The following PCCA variants were observed in gnomAD, a reference collection of about 807,000 sequenced individuals.
PCCA encodes propionyl-CoA carboxylase subunit alpha.
A neutral mutation model predicts 101.3 loss-of-function variants in PCCA; 74 were observed. That is an observed-to-expected ratio of 0.73 (90% CI 0.61 to 0.89). The LOEUF is 0.89. PCCA is among the 40% of genes least tolerant of loss of function. PCCA has a pLI of 0.00. For synonymous variants in PCCA, 294 were observed against 313.6 expected (o/e 0.94, Z 0.66); for missense variants, 891 against 907.0 (o/e 0.98, Z 0.23).
intron 21 of PCCA, chr13:100,491,519 TAAAAAG>T: frequency 7.2e-6 from 3 of 414,054 alleles, no homozygotes; most frequent in Non-Finnish European, 8.7e-6. Context: ...AGAAAATAGA[TAAAAAG>T]GAAAAGAATG....
At chr13:100,210,209 C>T (rs759563376) in intron 7 of PCCA, among the ~76,000 whole-genome samples, 13 of 152,318 alleles carry the variant, frequency 8.5e-5, no homozygotes, top group South Asian at 2.1e-4. Context: ...AACTCCTGGG[C>T]TGAAGTGATT....
At chr13:100,227,832 T>C (rs2060234150) in intron 7 of PCCA, among the ~76,000 whole-genome samples, 1 of 152,330 alleles carries the variant, frequency 6.6e-6, no homozygotes, top group African/African-American at 2.4e-5. Context: ...CCATCAGGAA[T>C]ACCATCATCT....
intron 1 of PCCA, among the ~76,000 whole-genome samples, chr13:100,093,102 G>A (rs145445371): frequency 3.8e-4 from 58 of 152,188 alleles, no homozygotes; most frequent in African/African-American, 1.3e-3. Flanking sequence ...AATGTAGGTG[G>A]GAGAACAAGG....
chr13:100,430,042 G>C (rs945430426), intron 20 of PCCA, among the ~76,000 whole-genome samples: 1 of 151,916 alleles, frequency 6.6e-6, no homozygotes, highest in Non-Finnish European at 1.5e-5. Context: ...TTGGGAGGCC[G>C]AAGCAGGCAG....
At chr13:100,370,736 C>A (rs2075526273) in intron 19 of PCCA, among the ~76,000 whole-genome samples, 2 of 152,122 alleles carry the variant, frequency 1.3e-5, no homozygotes, top group Non-Finnish European at 2.9e-5. Context: ...GCAGGTTGAA[C>A]AGCGTGGCGA....
intron 20 of PCCA, among the ~76,000 whole-genome samples, chr13:100,428,674 G>A (rs1209939658): frequency 1.3e-5 from 2 of 152,104 alleles, no homozygotes; most frequent in Admixed American, 6.6e-5. Flanking sequence ...AACTCAAGTT[G>A]TTGGACCCAC....
rs1400117357 is a variant in PCCA, at chr13:100,138,176, TTCAC to T, written c.301-16800_301-16797del. ...TTTTCTATCTAGTTTTTTTCACTGT[TTCAC>T]TCTTTGTGTCTTCTTTTGCATTATT... On this transcript the variant is annotated intron_variant, in intron 4 of 23. Coordinates refer to ENST00000376285, the MANE Select transcript of PCCA (RefSeq NM_000282.4). 2.6e-5 allele frequency among the ~76,000 whole-genome samples: 4 copies of T among 152,350 alleles called. No homozygotes were observed. In the East Asian group the frequency reaches 7.7e-4, roughly 29 times the overall value.
chr13:100,157,465 T>C (rs1002262415), intron 6 of PCCA, 125 bp downstream of exon 6: 4 of 699,080 alleles, frequency 5.7e-6, no homozygotes, highest in Admixed American at 2.3e-5. Context: ...TCTTTGAAAA[T>C]TGTGACAAGT....
intron 6 of PCCA, among the ~76,000 whole-genome samples, chr13:100,178,017 T>G (rs117178249): frequency 1.1e-4 from 17 of 152,218 alleles, no homozygotes. Flanking sequence ...TTAGGACTTA[T>G]AGCAACATTT....
intron 4 of PCCA, among the ~76,000 whole-genome samples, chr13:100,125,944 C>T (rs560319173): frequency 9.9e-5 from 15 of 152,210 alleles, no homozygotes; most frequent in South Asian, 2.1e-4. Flanking sequence ...AGCAATGGCT[C>T]GTCTGGGAGT....
chr13:100,408,455 G>A (rs1453681626), intron 19 of PCCA, among the ~76,000 whole-genome samples: 8 of 152,164 alleles, frequency 5.3e-5, no homozygotes, highest in Admixed American at 5.2e-4. Context: ...TGAACTGAAA[G>A]GTATCACAGT....
intron 19 of PCCA, among the ~76,000 whole-genome samples, chr13:100,371,257 A>G (rs1190427220): frequency 6.6e-6 from 1 of 152,212 alleles, no homozygotes; most frequent in African/African-American, 2.4e-5. Context: ...GCAACAATAT[A>G]CATACTTAAT....
At position 100,530,397 on chromosome 13, in the gene PCCA, T is replaced by C. The variant is rs1026974616; in HGVS notation, c.*231T>C. On this transcript the variant is annotated 3_prime_UTR_variant, in exon 24 of 24. Transcript: ENST00000376285. ...GTACTTCTGCTGTGAGATTCCCTAG[T>C]GTCAAAATTAAATCAATAAAACTGA... 1.3e-5 allele frequency: 8 copies of C among 598,814 alleles called. No individual in the cohort carries two copies. The African/African-American group carries it at 1.5e-4, about 11-fold the overall frequency. The allele number at this position is 598,814 out of a possible 1,614,324, so 37.1% of individuals were successfully genotyped here.
Position 100,130,982 on chromosome 13 carries a change from T to A in PCCA, c.300+18921T>A, listed in dbSNP as rs575050326. On this transcript the variant is annotated intron_variant, in intron 4 of 23. Transcript: ENST00000376285. ...ATTTTCAATTGTGGTAAAGTATACA[T>A]AACATAAAAGTTTACCATTTTAACC... 2.0e-5 allele frequency among the ~76,000 whole-genome samples: 3 copies of A among 152,344 alleles called. No homozygotes were observed. In the South Asian group the frequency reaches 6.2e-4, roughly 32 times the overall value.
At chr13:100,248,893 C>A (rs918648188) in intron 8 of PCCA, among the ~76,000 whole-genome samples, 1 of 151,916 alleles carries the variant, frequency 6.6e-6, no homozygotes, top group African/African-American at 2.4e-5. Context: ...ATTATGGGCA[C>A]CCGCCACCAC....
chr13:100,420,284 T>C (rs995991183), intron 19 of PCCA, among the ~76,000 whole-genome samples: 10 of 152,306 alleles, frequency 6.6e-5, no homozygotes, highest in African/African-American at 2.4e-4. Context: ...AGAAATTAAA[T>C]GTCTGAGGTC....
intron 21 of PCCA, among the ~76,000 whole-genome samples, chr13:100,483,591 A>C (rs1319059261): frequency 6.6e-6 from 1 of 152,266 alleles, no homozygotes; most frequent in Non-Finnish European, 1.5e-5. Flanking sequence ...CATTTCTTTA[A>C]GATGAGGCTC....
At chr13:100,485,331 C>T (rs2084288564) in intron 21 of PCCA, among the ~76,000 whole-genome samples, 2 of 152,182 alleles carry the variant, frequency 1.3e-5, no homozygotes, top group South Asian at 4.2e-4. Context: ...AACCACTTAG[C>T]TGTGGCAGCC....
chr13:100,394,650 C>A lies in PCCA; in HGVS notation c.1746+26076C>A, dbSNP rs1439253331. Among the ~76,000 whole-genome samples the A allele has an allele frequency of 6.6e-6, 1 of 152,106 alleles. No individual in the cohort carries two copies. Among genetic ancestry groups the A allele is most frequent in the Non-Finnish European group, 1.5e-5 (1 of 68,032 alleles). On this transcript the variant is annotated intron_variant, in intron 19 of 23. Coordinates refer to ENST00000376285, the MANE Select transcript of PCCA (RefSeq NM_000282.4). This position sits in a 1 kb window ranked among gnomAD's most constrained non-coding sequence, Gnocchi z 4.3. ...AATCAACTAACAAGGGTTACCATGA[C>A]CCAAATAGTAATTGCATTTTGATTC...
Sources: gnomAD v4.1 joint callset for allele counts (sites outside exome capture counted in the v4.1 genomes callset) on GRCh38, gnomAD v4.1.1 for gene constraint, Gnocchi (gnomAD v3.1) non-coding constraint, MANE v1.5 for transcripts, NCBI Gene and HGNC (gene_info 2026-07-23, HGNC 2026-07-21) for gene names.